B4GALT1: variants seen among roughly 807,000 people sequenced by gnomAD.
B4GALT1 encodes N-acetyllactosamine synthase.
B4GALT1 carries 16 observed loss-of-function variants against 34.9 expected under a neutral mutation model. The observed-to-expected ratio is 0.46, with a 90% CI of 0.31 to 0.70. The LOEUF is 0.70. Ranked by LOEUF, B4GALT1 falls within the 30% of genes least tolerant of loss-of-function variation. The pLI, the probability that B4GALT1 is intolerant of heterozygous loss-of-function variation, is 0.05. For synonymous variants in B4GALT1, 221 were observed against 218.1 expected, an observed-to-expected ratio of 1.01 and a Z score of -0.12; for missense variants, 445 against 530.5, an observed-to-expected ratio of 0.84 and a Z score of 1.58.
At chr9:33,183,685 T>G in the B4GALT1 span, among the ~76,000 whole-genome samples, 1 of 144,334 alleles carries the variant, frequency 6.9e-6, no homozygotes, top group African/African-American at 2.6e-5. Context: ...CAATGCTAGA[T>G]GACAAGTTAG....
At chr9:33,117,616 G>C (rs547293247) in intron 3 of B4GALT1, among the ~76,000 whole-genome samples, 1 of 152,272 alleles carries the variant, frequency 6.6e-6, no homozygotes, top group East Asian at 1.9e-4. Context: ...GACTTTGAGG[G>C]GGAAGTCAGC....
the B4GALT1 span, among the ~76,000 whole-genome samples, chr9:33,176,662 C>G: frequency 6.6e-6 from 1 of 152,118 alleles, no homozygotes; most frequent in Admixed American, 6.6e-5. Context: ...ATTGAGTACA[C>G]TCGGCACAAA....
At chr9:33,126,850 C>A (rs1473163991) in intron 2 of B4GALT1, among the ~76,000 whole-genome samples, 1 of 152,324 alleles carries the variant, frequency 6.6e-6, no homozygotes, top group East Asian at 1.9e-4. Context: ...ACAGACTGGA[C>A]TGAGGCTATA....
At chr9:33,130,696 G>C (rs146787781) in intron 2 of B4GALT1, among the ~76,000 whole-genome samples, 1 of 151,744 alleles carries the variant, frequency 6.6e-6, no homozygotes, top group African/African-American at 2.4e-5. Context: ...TTGATACGTG[G>C]CCCTATTTTG....
chr9:33,116,821 C>G (rs1312344200), intron 3 of B4GALT1, among the ~76,000 whole-genome samples: 2 of 152,032 alleles, frequency 1.3e-5, no homozygotes, highest in African/African-American at 4.8e-5. Flanking sequence ...CCATGTCCAG[C>G]CTCTCTAAAG....
At chr9:33,170,206 G>A (rs1247364689), upstream of B4GALT1, among the ~76,000 whole-genome samples, 4 of 151,664 alleles carry the variant, frequency 2.6e-5, no homozygotes, top group African/African-American at 7.3e-5. Flanking sequence ...TTTTGACCTC[G>A]TGATCTGCCT....
At chr9:33,118,761 C>G (rs2118044761) in intron 3 of B4GALT1, among the ~76,000 whole-genome samples, 1 of 152,226 alleles carries the variant, frequency 6.6e-6, no homozygotes, top group African/African-American at 2.4e-5. Flanking sequence ...TCAGCCTAAA[C>G]CAGGGGTACC....
At chr9:33,147,491 C>T (rs1840445686) in intron 1 of B4GALT1, among the ~76,000 whole-genome samples, 2 of 151,990 alleles carry the variant, frequency 1.3e-5, no homozygotes, top group Admixed American at 1.3e-4. Flanking sequence ...GGGTGATCTG[C>T]CCACCTCGGC....
At chr9:33,117,335 T>C (rs1839955410) in intron 3 of B4GALT1, among the ~76,000 whole-genome samples, 1 of 152,276 alleles carries the variant, frequency 6.6e-6, no homozygotes, top group Admixed American at 6.5e-5. Flanking sequence ...TTTTAACATA[T>C]TTTCAAGTAG....
downstream of B4GALT1, among the ~76,000 whole-genome samples, chr9:33,106,978 A>G (rs1198094443): frequency 6.6e-6 from 1 of 151,694 alleles, no homozygotes; most frequent in Non-Finnish European, 1.5e-5. Context: ...CCCCAAATAC[A>G]CCGTGATATC....
chr9:33,119,256 AC>A (rs142312808), intron 3 of B4GALT1, among the ~76,000 whole-genome samples: 8,853 of 152,302 alleles, frequency 0.058, 291 homozygotes, highest in Non-Finnish European at 0.068. Context: ...TTAAGACAAA[AC>A]AATGGACTAT....
intron 2 of B4GALT1, among the ~76,000 whole-genome samples, chr9:33,125,498 G>T (rs1016284427): frequency 2.6e-5 from 4 of 152,204 alleles, no homozygotes; most frequent in Admixed American, 2.6e-4. Flanking sequence ...AAGGAGACCA[G>T]TTAGGAAGCT....
chr9:33,107,624 G>T (rs1839808376), downstream of B4GALT1, among the ~76,000 whole-genome samples: 1 of 152,200 alleles, frequency 6.6e-6, no homozygotes. Context: ...GGGGGATCTG[G>T]TGATTACTCT....
At chr9:33,160,793 A>G (rs1840663227) in intron 1 of B4GALT1, among the ~76,000 whole-genome samples, 1 of 152,076 alleles carries the variant, frequency 6.6e-6, no homozygotes, top group African/African-American at 2.4e-5. Flanking sequence ...TATATCAGCT[A>G]TATTCTTAAA....
downstream of B4GALT1, among the ~76,000 whole-genome samples, chr9:33,107,026 C>T (rs966412952): frequency 1.3e-5 from 2 of 152,174 alleles, no homozygotes; most frequent in Non-Finnish European, 2.9e-5. Context: ...CCCTGGAACA[C>T]ATCTCGCTGC....
chr9:33,173,442 A>C, the B4GALT1 span, among the ~76,000 whole-genome samples: 1 of 152,008 alleles, frequency 6.6e-6, no homozygotes, highest in Non-Finnish European at 1.5e-5. Flanking sequence ...AACTATATAT[A>C]GATGAGAGTT....
intron 1 of B4GALT1, among the ~76,000 whole-genome samples, chr9:33,141,119 A>G (rs1192260187): frequency 6.6e-6 from 1 of 152,104 alleles, no homozygotes; most frequent in East Asian, 1.9e-4. Flanking sequence ...TCATATTCAA[A>G]CATGTACCCA....
the B4GALT1 span, among the ~76,000 whole-genome samples, chr9:33,182,922 A>T: frequency 1.3e-5 from 2 of 152,126 alleles, no homozygotes; most frequent in Non-Finnish European, 2.9e-5. Flanking sequence ...AAAAAAATCA[A>T]CATTTAGCCA....
Position 33,167,029 on chromosome 9 carries a change from C to G in B4GALT1, c.141G>C (p.Leu47=), listed in dbSNP as rs1185490172. 5.6e-6 allele frequency: 9 copies of G among 1,598,972 alleles called. No homozygotes were observed. The highest frequency in any genetic ancestry group is 7.6e-6 in the Non-Finnish European group (9 of 1,178,276). ...TLVYYLAGRD[L]SRLPQLVGVS... is the part of the protein sequence containing the mutation. ...CTCCGACCAGTTGGGGCAGGCGGCT[C>G]AGGTCGCGGCCAGCCAGGTAGTAAA... The change falls in exon 1 of 6, where the codon CTG becomes CTC. Residue 47 remains leucine, a synonymous_variant. Coordinates refer to ENST00000379731, the MANE Select transcript of B4GALT1 (RefSeq NM_001497.4).
Sources: gnomAD v4.1 joint callset for allele counts (sites outside exome capture counted in the v4.1 genomes callset) on GRCh38, gnomAD v4.1.1 for gene constraint, MANE v1.5 for transcripts, NCBI Gene and HGNC (gene_info 2026-07-23, HGNC 2026-07-21) for gene names.